UNC79: variants seen among roughly 807,000 people sequenced by gnomAD.
The protein encoded by UNC79 is unc-79 subunit of NALCN channel complex.
Under a neutral mutation model 283.1 loss-of-function variants are expected in UNC79, and 37 were observed. The ratio of observed to expected loss-of-function variants is 0.13; its 90% confidence interval spans 0.10 to 0.17. The LOEUF is 0.17. Ranked by LOEUF, UNC79 falls within the 10% of genes least tolerant of loss-of-function variation. The pLI is 1.00. For missense variants in UNC79, 2,272 were observed against 3,211.1 expected (o/e 0.71, Z 7.07); for synonymous variants, 1,107 against 1,200.2 (o/e 0.92, Z 1.61).
chr14:93,481,747 A>G (rs113811015), intron 4 of UNC79, among the ~76,000 whole-genome samples: 125 of 152,340 alleles, frequency 8.2e-4, no homozygotes, highest in African/African-American at 2.9e-3. Context: ...CTAATAACAC[A>G]TAGAAAAAAC....
At chr14:93,469,246 A>G (rs1382211435) in intron 2 of UNC79, among the ~76,000 whole-genome samples, 2 of 152,222 alleles carry the variant, frequency 1.3e-5, no homozygotes, top group African/African-American at 4.8e-5. Flanking sequence ...GGACCATTAG[A>G]ATATGATCAT....
At chr14:93,576,071 C>T (rs17129110) in intron 17 of UNC79, among the ~76,000 whole-genome samples, 11,899 of 152,280 alleles carry the variant, frequency 0.078, 710 homozygotes, top group East Asian at 0.28. Flanking sequence ...TTTAAGATGA[C>T]ATTCCTTTGT....
rs750409336 is a variant in UNC79 at position 93,617,945 on chromosome 14, A to T, written c.4225-247A>T. Among the ~76,000 whole-genome samples, 1 of 152,140 alleles carries T rather than the reference A, an allele frequency of 6.6e-6. No individual in the cohort carries two copies. Among genetic ancestry groups the T allele is most frequent in the African/African-American group, 2.4e-5 (1 of 41,438 alleles). ...CTACTTGGGAGGCTGAGGTGGGAGG[A>T]TCACCTGAGCCCGGTAGGCTGCTAT... On this transcript the variant is annotated intron_variant, in intron 28 of 48. Coordinates refer to ENST00000555664, the Ensembl canonical transcript of UNC79. The surrounding 1 kb of genome is among the most constrained non-coding windows in gnomAD (Gnocchi z 4.5).
rs114769542 is a variant in UNC79, at chr14:93,452,825, C to T, written c.23-14846C>T. Reference sequence around the variant, plus strand: ...AAAGGATAAAGTGCTTAGAACAGTGCCTGGCACATGGGAAACACTATAACA... The same window carrying T: ...AAAGGATAAAGTGCTTAGAACAGTGTCTGGCACATGGGAAACACTATAACA... On this transcript the variant is annotated intron_variant, in intron 1 of 48. Coordinates refer to ENST00000555664, the Ensembl canonical transcript of UNC79. Among the ~76,000 whole-genome samples, 487 of 152,212 alleles carry T rather than the reference C, an allele frequency of 3.2e-3. 1 individual carries two copies. Among genetic ancestry groups the T allele is most frequent in the African/African-American group, 0.011 (473 of 41,532 alleles).
rs7160955 is a variant in UNC79 at position 93,653,936 on chromosome 14, C to T, written c.6197-4C>T. 6.2e-7 allele frequency: 1 copy of T among 1,614,118 alleles called. No individual in the cohort carries two copies. Among genetic ancestry groups the T allele is most frequent in the Non-Finnish European group, 8.5e-7 (1 of 1,179,978 alleles). The stretch of plus-strand genomic sequence containing the variant: ...AACACTAAATCCGATCGTTGACTTT[C>T]CAGATGGGACTTTTTTACGGACCTT... On this transcript the variant is annotated splice_region_variant and splice_polypyrimidine_tract_variant and intron_variant, in intron 36 of 48. Transcript: ENST00000555664.
At chr14:93,599,976 C>T (rs1012858269) in intron 24 of UNC79, among the ~76,000 whole-genome samples, 3 of 151,812 alleles carry the variant, frequency 2.0e-5, no homozygotes, top group Non-Finnish European at 4.4e-5. Flanking sequence ...CCAAGGAGGG[C>T]AGATCACGAG....
chr14:93,357,895 AGATATATATC>A (rs1420316979), intron 1 of UNC79, among the ~76,000 whole-genome samples: 1,226 of 27,152 alleles, frequency 0.045, 2 homozygotes, highest in Middle Eastern at 0.069. Context: ...GGATATATGG[AGATATATATC>A]TATATATATC....
intron 1 of UNC79, chr14:93,466,960 C>T (rs1289024369): frequency 1.0e-6 from 1 of 961,174 alleles, no homozygotes; most frequent in Non-Finnish European, 1.2e-6. Flanking sequence ...AAGATCTGGG[C>T]AGCCAAGCTC....
chr14:93,479,454 C>T (rs1202996658), intron 4 of UNC79, among the ~76,000 whole-genome samples: 4 of 152,052 alleles, frequency 2.6e-5, no homozygotes, highest in East Asian at 3.9e-4. Context: ...CCAGCCACCA[C>T]GCCCAGCTAA....
intron 7 of UNC79, among the ~76,000 whole-genome samples, chr14:93,503,374 T>C (rs2059387877): frequency 6.6e-6 from 1 of 152,146 alleles, no homozygotes; most frequent in Non-Finnish European, 1.5e-5. Context: ...TCCTTGTATA[T>C]GTCTTTTGGT....
chr14:93,463,342 A>T (rs1307394577), intron 1 of UNC79, among the ~76,000 whole-genome samples: 1 of 152,098 alleles, frequency 6.6e-6, no homozygotes, highest in Non-Finnish European at 1.5e-5. Context: ...AACTGGAGTG[A>T]GTGGAAGGAG....
At chr14:93,622,877 T>G (rs1210880150) in intron 30 of UNC79, 36 bp downstream of exon 32, 1 of 1,589,144 alleles carries the variant, frequency 6.3e-7, no homozygotes, top group East Asian at 2.2e-5. Context: ...CAGCCTTAAC[T>G]TTAAGTTTGT....
At chr14:93,646,104 C>T (rs182469423) in intron 34 of UNC79, among the ~76,000 whole-genome samples, 38 of 152,246 alleles carry the variant, frequency 2.5e-4, no homozygotes, top group African/African-American at 7.2e-4. Context: ...TGCTCCATAT[C>T]GTTTACTTAA....
At chr14:93,413,001 C>T (rs1223154357) in intron 1 of UNC79, among the ~76,000 whole-genome samples, 1 of 151,990 alleles carries the variant, frequency 6.6e-6, no homozygotes, top group East Asian at 1.9e-4. Context: ...AGTATTATAC[C>T]AGTGTAACTG....
chr14:93,646,291 A>G (rs1273607413), intron 34 of UNC79, among the ~76,000 whole-genome samples: 1 of 152,226 alleles, frequency 6.6e-6, no homozygotes, highest in African/African-American at 2.4e-5. Flanking sequence ...TTGAGTTAAT[A>G]TGGAGAGGAG....
intron 41 of UNC79, among the ~76,000 whole-genome samples, chr14:93,680,758 A>G (rs947430264): frequency 6.6e-6 from 1 of 151,878 alleles, no homozygotes; most frequent in Non-Finnish European, 1.5e-5. Context: ...ACACCTGGCT[A>G]ATTTCCACCT....
At chr14:93,673,502 G>T in intron 41 of UNC79, 47 bp downstream of exon 44, 1 of 1,556,666 alleles carries the variant, frequency 6.4e-7, no homozygotes, top group East Asian at 2.3e-5. Flanking sequence ...ATCCATGTAT[G>T]TTTGGGAAAA....
chr14:93,534,374 T>C lies in UNC79; in HGVS notation c.1122+1796T>C, dbSNP rs534919210. 1.0e-3 allele frequency among the ~76,000 whole-genome samples: 156 copies of C among 152,342 alleles called. 1 individual carries two copies. Among genetic ancestry groups the C allele is most frequent in the African/African-American group, 3.5e-3 (147 of 41,586 alleles). ...GAGTTAGGGTCCCATATATCTCTTT[T>C]CATTTAGAACTGCGTCTCTTTAGTT... On this transcript the variant is annotated intron_variant, in intron 11 of 48. Coordinates refer to ENST00000555664, the Ensembl canonical transcript of UNC79.
chr14:93,561,678 A>G (rs11160130), intron 14 of UNC79, among the ~76,000 whole-genome samples: 132,566 of 152,040 alleles, frequency 0.87, 57,905 homozygotes, highest in East Asian at 0.94. Flanking sequence ...GAGTATAAAA[A>G]TAAAGAATAG....
Sources: allele counts gnomAD v4.1 joint callset (sites outside exome capture counted in the v4.1 genomes callset), GRCh38; gene constraint gnomAD v4.1.1; non-coding constraint Gnocchi (gnomAD v3.1); transcripts MANE v1.5; gene names NCBI Gene and HGNC (gene_info 2026-07-23, HGNC 2026-07-21).